NTN1: variants seen among roughly 807,000 people sequenced by gnomAD.
NTN1 encodes the protein netrin-1.
In NTN1, 11 loss-of-function variants were observed where a neutral mutation model predicts 54.2. The ratio of observed to expected loss-of-function variants is 0.20; its 90% confidence interval spans 0.13 to 0.34. The LOEUF (loss-of-function observed/expected upper bound fraction) is 0.34, where lower values mean the gene tolerates loss of function less well. NTN1 is among the 10% of genes least tolerant of loss of function. The pLI, the probability that NTN1 is intolerant of heterozygous loss-of-function variation, is 1.00. For missense variants in NTN1, 740 were observed against 893.1 expected, an observed-to-expected ratio of 0.83 and a Z score of 2.18; for synonymous variants, 371 against 382.0, an observed-to-expected ratio of 0.97 and a Z score of 0.33.
chr17:9,104,215 G>A lies in NTN1; in HGVS notation c.1019-58598G>A, dbSNP rs116650725. ...TGCCCGAGGTTAGGGGAGTGGCAAT[G>A]GGGAGTTAGTGTTTAATGGGTACAG... On this transcript the variant is annotated intron_variant, in intron 2 of 6. Coordinates refer to ENST00000173229, the MANE Select transcript of NTN1 (RefSeq NM_004822.3). Among the ~76,000 whole-genome samples, 1,217 of 152,122 alleles carry A rather than the reference G, an allele frequency of 8.0e-3. 22 individuals carry two copies. Among genetic ancestry groups the A allele is most frequent in the African/African-American group, 0.028 (1,175 of 41,476 alleles).
chr17:9,209,843 G>T (rs1281441416), intron 5 of NTN1, among the ~76,000 whole-genome samples: 1 of 152,152 alleles, frequency 6.6e-6, no homozygotes, highest in Non-Finnish European at 1.5e-5. Context: ...CTAGGCTCCT[G>T]AGAGCCAGAC....
intron 2 of NTN1, among the ~76,000 whole-genome samples, chr17:9,145,648 G>A (rs2092311066): frequency 6.6e-6 from 1 of 152,186 alleles, no homozygotes; most frequent in Non-Finnish European, 1.5e-5. Flanking sequence ...CAGGCACGGT[G>A]GCTCACACCT....
intron 2 of NTN1, among the ~76,000 whole-genome samples, chr17:9,127,075 G>GGT (rs1555570075): frequency 9.4e-5 from 14 of 149,516 alleles, no homozygotes; most frequent in South Asian, 6.7e-4. Context: ...TAGGGCCGGG[G>GGT]GGGGGCAGGA....
chr17:9,117,414 C>CACTGG (rs2092217149), intron 2 of NTN1, among the ~76,000 whole-genome samples: 1 of 152,160 alleles, frequency 6.6e-6, no homozygotes, highest in Non-Finnish European at 1.5e-5. Flanking sequence ...TTCACAGTGT[C>CACTGG]ACTGGCCCTG....
chr17:9,116,994 T>C (rs1417896063), intron 2 of NTN1, among the ~76,000 whole-genome samples: 2 of 152,114 alleles, frequency 1.3e-5, no homozygotes, highest in Non-Finnish European at 2.9e-5. Context: ...AAAATGTGCA[T>C]TGTGGCTCCC....
At chr17:9,101,329 C>T (rs550372230) in intron 2 of NTN1, among the ~76,000 whole-genome samples, 67 of 152,150 alleles carry the variant, frequency 4.4e-4, no homozygotes, top group Admixed American at 2.6e-3. Context: ...TTAAACAAGA[C>T]CAGACGTGGG....
intron 2 of NTN1, among the ~76,000 whole-genome samples, chr17:9,065,633 C>T (rs377658004): frequency 1.1e-4 from 17 of 152,314 alleles, no homozygotes; most frequent in African/African-American, 3.4e-4. Flanking sequence ...TTTGCGATGC[C>T]GTGCCCCAGC....
At chr17:9,066,717 T>C (rs2092016128) in intron 2 of NTN1, among the ~76,000 whole-genome samples, 2 of 151,734 alleles carry the variant, frequency 1.3e-5, no homozygotes, top group South Asian at 4.2e-4. Context: ...TGGCACGTTG[T>C]GGCCAGTTGC....
At chr17:9,034,385 C>T (rs2091896786) in intron 2 of NTN1, among the ~76,000 whole-genome samples, 3 of 152,040 alleles carry the variant, frequency 2.0e-5, no homozygotes, top group South Asian at 4.2e-4. Flanking sequence ...ATTTAATCCT[C>T]ATAGCGGCCC....
At chr17:9,066,925 C>T (rs1457260507) in intron 2 of NTN1, among the ~76,000 whole-genome samples, 1 of 145,828 alleles carries the variant, frequency 6.9e-6, no homozygotes, top group African/African-American at 2.6e-5. Context: ...CACTTGAACC[C>T]AGGAGGTGGA....
intron 2 of NTN1, among the ~76,000 whole-genome samples, chr17:9,065,283 T>C (rs2092011559): frequency 6.6e-6 from 1 of 152,056 alleles, no homozygotes; most frequent in African/African-American, 2.4e-5. Context: ...AAACCCAGAG[T>C]GGCTCCGTCG....
At chr17:9,019,987 G>A (rs1319158421), upstream of NTN1, among the ~76,000 whole-genome samples, 1 of 152,164 alleles carries the variant, frequency 6.6e-6, no homozygotes, top group Non-Finnish European at 1.5e-5. Context: ...ATGAATCCAG[G>A]CTGTCCTGCA....
intron 2 of NTN1, among the ~76,000 whole-genome samples, chr17:9,029,488 C>G (rs942851745): frequency 6.6e-6 from 1 of 152,086 alleles, no homozygotes. Context: ...ATAGCCAACT[C>G]GGAGGGACGG....
chr17:9,164,161 A>C (rs1173427425), intron 3 of NTN1, among the ~76,000 whole-genome samples: 2 of 152,248 alleles, frequency 1.3e-5, no homozygotes, highest in Non-Finnish European at 2.9e-5. Context: ...GCAAAATGAA[A>C]ATAGGGGGCT....
Position 9,241,743 on chromosome 17 carries a change from C to T in NTN1, c.*1775C>T, listed in dbSNP as rs1016622551. ...GCTCCCAGTGTGTACTCATGACAAC[C>T]CTGTGGGACAGGGACTCATTATCAC... On this transcript the variant is annotated 3_prime_UTR_variant, in exon 7 of 7. Transcript: ENST00000173229. 5 of 152,250 alleles carry T rather than the reference C, an allele frequency of 3.3e-5. No homozygotes were observed. The highest frequency in any genetic ancestry group is 2.1e-4 in the South Asian group (1 of 4,836). The allele number at this position is 152,250 out of a possible 1,614,324, so 9.4% of individuals were successfully genotyped here. A position where few individuals can be genotyped will look rare whatever the true frequency, so the allele number is the denominator to read the frequency against.
chr17:9,131,908 A>C (rs987146482), intron 2 of NTN1, among the ~76,000 whole-genome samples: 2 of 151,278 alleles, frequency 1.3e-5, no homozygotes, highest in African/African-American at 4.9e-5. Flanking sequence ...GGTTCAAGCA[A>C]TTCTCTGCCT....
intron 2 of NTN1, among the ~76,000 whole-genome samples, chr17:9,155,639 C>A (rs529772206): frequency 6.6e-6 from 1 of 151,132 alleles, no homozygotes; most frequent in Non-Finnish European, 1.5e-5. Flanking sequence ...CTGCGCCTGG[C>A]GCTCCTGGAG....
chr17:9,087,784 C>T (rs1252174691), intron 2 of NTN1, among the ~76,000 whole-genome samples: 1 of 151,268 alleles, frequency 6.6e-6, no homozygotes, highest in African/African-American at 2.5e-5. Context: ...CAGTAGCTTT[C>T]ACGAACGGCT....
chr17:9,122,798 A>C (rs1353521937), intron 2 of NTN1, among the ~76,000 whole-genome samples: 1 of 152,178 alleles, frequency 6.6e-6, no homozygotes, highest in Non-Finnish European at 1.5e-5. Context: ...GTATGTTTCC[A>C]CTATATGCAG....
Sources: gnomAD v4.1 joint callset for allele counts (sites outside exome capture counted in the v4.1 genomes callset) on GRCh38, gnomAD v4.1.1 for gene constraint, MANE v1.5 for transcripts, NCBI Gene and HGNC (gene_info 2026-07-23, HGNC 2026-07-21) for gene names.